MTMR7: variants seen among roughly 807,000 people sequenced by gnomAD.
MTMR7 encodes myotubularin related protein 7, also known as phosphatidylinositol-3-phosphate phosphatase MTMR7.
A neutral mutation model predicts 81.2 loss-of-function variants in MTMR7; 76 were observed. The observed-to-expected ratio is 0.94, with a 90% CI of 0.78 to 1.13. MTMR7 has a LOEUF of 1.13. Among genes scored for constraint, MTMR7 ranks in the 50% most tolerant of loss-of-function variants. MTMR7 has a pLI of 0.00. For synonymous variants in MTMR7, 372 were observed against 289.8 expected, an observed-to-expected ratio of 1.28 and a Z score of -2.88; for missense variants, 1,044 against 820.0, an observed-to-expected ratio of 1.27 and a Z score of -3.34.
chr8:17,363,195 T>C (rs942402685), intron 3 of MTMR7, among the ~76,000 whole-genome samples: 2 of 152,220 alleles, frequency 1.3e-5, no homozygotes, highest in African/African-American at 4.8e-5. Context: ...CTGGGAACAG[T>C]TGGCTCAACA....
At chr8:17,340,281 T>C (rs907195214) in intron 6 of MTMR7, among the ~76,000 whole-genome samples, 1 of 152,210 alleles carries the variant, frequency 6.6e-6, no homozygotes, top group African/African-American at 2.4e-5. Context: ...TTAAACATAA[T>C]TTCTCTATCC....
chr8:17,334,302 G>A lies in MTMR7; in HGVS notation c.733-3020C>T, dbSNP rs182551432. On this transcript the variant is annotated intron_variant, in intron 6 of 13. Coordinates refer to ENST00000180173, the MANE Select transcript of MTMR7 (RefSeq NM_004686.5). ...TTCAATGTTATCTTGGACATTTTAC[G>A]TGTATGTGTGCGCAGTAAGATACGG... Among the ~76,000 whole-genome samples the A allele has an allele frequency of 1.8e-3, 280 of 152,264 alleles. 1 individual carries two copies. Among genetic ancestry groups the A allele is most frequent in the South Asian group, 3.9e-3 (19 of 4,822 alleles).
At chr8:17,310,104 G>A (rs112787389) in intron 9 of MTMR7, among the ~76,000 whole-genome samples, 3 of 151,978 alleles carry the variant, frequency 2.0e-5, no homozygotes, top group Admixed American at 6.6e-5. Flanking sequence ...GAGCTCGAGC[G>A]ATCCTCCCAC....
At position 17,375,288 on chromosome 8, in the gene MTMR7, G is replaced by C. The variant is rs567801196; in HGVS notation, c.25-2048C>G. ...GAGCCAAGCCAGCCCTCTAGGAGTA[G>C]CTCTAGAGGGTCCCATCTCACTTCC... On this transcript the variant is annotated intron_variant, in intron 1 of 13. Transcript: ENST00000180173. 6.6e-5 allele frequency among the ~76,000 whole-genome samples: 10 copies of C among 152,150 alleles called. 2 individuals are homozygous for C. The highest frequency in any genetic ancestry group is 2.4e-4 in the African/African-American group (10 of 41,514).
intron 1 of MTMR7, among the ~76,000 whole-genome samples, chr8:17,390,773 G>C (rs200385074): frequency 2.6e-5 from 4 of 152,172 alleles, no homozygotes; most frequent in Non-Finnish European, 4.4e-5. Flanking sequence ...CAGAATGAAA[G>C]GGGAAGAGCC....
At chr8:17,403,465 T>C (rs1218667078) in intron 1 of MTMR7, among the ~76,000 whole-genome samples, 1 of 152,186 alleles carries the variant, frequency 6.6e-6, no homozygotes, top group African/African-American at 2.4e-5. Context: ...TACCATACTG[T>C]TTTGGTTACG....
chr8:17,361,447 C>G (rs1208793986), intron 3 of MTMR7, among the ~76,000 whole-genome samples, 173 bp from the exon 4 acceptor site: 1 of 152,186 alleles, frequency 6.6e-6, no homozygotes, highest in African/African-American at 2.4e-5. Context: ...CACTTCCTCC[C>G]ACCAATGACA....
intron 8 of MTMR7, among the ~76,000 whole-genome samples, chr8:17,312,979 A>T (rs977326497): frequency 2.6e-5 from 4 of 152,182 alleles, no homozygotes; most frequent in African/African-American, 9.7e-5. Context: ...CCCAAGCCCC[A>T]TCACTGAAGT....
At chr8:17,304,637 C>T in intron 11 of MTMR7, 118 bp from the exon 12 acceptor site, 4 of 1,001,050 alleles carry the variant, frequency 4.0e-6, no homozygotes, top group East Asian at 2.6e-5. Context: ...CGTGTCTGTT[C>T]GATAGCAGGT....
At position 17,297,527 on chromosome 8, in the gene MTMR7, A is replaced by C. The variant is rs1816772766; in HGVS notation, c.*2335T>G. 1 of 150,166 alleles carries C rather than the reference A, an allele frequency of 6.7e-6. No homozygotes were observed. The highest frequency in any genetic ancestry group is 6.7e-5 in the Admixed American group (1 of 15,030). The allele number at this position is 150,166 out of a possible 1,614,324, so 9.3% of individuals were successfully genotyped here. ...CATTCTATAAAAAGCTCAGTTACTG[A>C]TTTGCTGGGTCATGGTCAAAATTCT... is the stretch of plus-strand genomic sequence containing the variant. On this transcript the variant is annotated 3_prime_UTR_variant, in exon 14 of 14. Coordinates refer to ENST00000180173, the MANE Select transcript of MTMR7 (RefSeq NM_004686.5).
At chr8:17,352,849 G>A (rs892029530) in intron 4 of MTMR7, among the ~76,000 whole-genome samples, 9 of 152,090 alleles carry the variant, frequency 5.9e-5, no homozygotes, top group African/African-American at 2.2e-4. Flanking sequence ...CTGTGGATGG[G>A]GATATAAAAT....
intron 3 of MTMR7, among the ~76,000 whole-genome samples, chr8:17,368,229 T>A (rs950926625): frequency 6.6e-6 from 1 of 152,002 alleles, no homozygotes; most frequent in African/African-American, 2.4e-5. Flanking sequence ...TCACAGGAGG[T>A]AGAGCTCACG....
intron 5 of MTMR7, among the ~76,000 whole-genome samples, chr8:17,348,182 C>A (rs1440860077): frequency 6.6e-6 from 1 of 152,104 alleles, no homozygotes; most frequent in Non-Finnish European, 1.5e-5. Flanking sequence ...AAATAAAACC[C>A]ATGCTCTCTA....
chr8:17,407,515 A>G (rs1821622946), intron 1 of MTMR7, among the ~76,000 whole-genome samples: 1 of 152,166 alleles, frequency 6.6e-6, no homozygotes, highest in Non-Finnish European at 1.5e-5. Flanking sequence ...TCACATGCAG[A>G]TAATAATGAG....
At chr8:17,322,541 T>A (rs1349889537) in intron 7 of MTMR7, among the ~76,000 whole-genome samples, 2 of 152,194 alleles carry the variant, frequency 1.3e-5, no homozygotes, top group Non-Finnish European at 2.9e-5. Context: ...AACATGTGGC[T>A]GGGCACATTG....
chr8:17,315,504 C>G lies in MTMR7; in HGVS notation c.866-2103G>C, dbSNP rs575692471. 1.6e-4 allele frequency among the ~76,000 whole-genome samples: 24 copies of G among 152,280 alleles called. 1 individual carries two copies. In the South Asian group the frequency reaches 3.9e-3, roughly 25 times the overall value. On this transcript the variant is annotated intron_variant, in intron 7 of 13. Coordinates refer to ENST00000180173, the MANE Select transcript of MTMR7 (RefSeq NM_004686.5). The stretch of plus-strand genomic sequence containing the variant: ...GATGTGCCAATGTAGGTGCACTGAT[C>G]ACAACAATGTACCACTCCGTCGGGG...
intron 5 of MTMR7, among the ~76,000 whole-genome samples, chr8:17,344,871 T>A (rs1257706733): frequency 6.6e-6 from 1 of 152,138 alleles, no homozygotes; most frequent in Admixed American, 6.5e-5. Context: ...CTAAGGAAAG[T>A]TGCCTCACTG....
At chr8:17,362,015 C>T (rs1820076619) in intron 3 of MTMR7, among the ~76,000 whole-genome samples, 1 of 152,176 alleles carries the variant, frequency 6.6e-6, no homozygotes, top group African/African-American at 2.4e-5. Context: ...GTTTCCCTCT[C>T]TCCACTAAAA....
At chr8:17,318,864 C>A (rs912210774) in intron 7 of MTMR7, among the ~76,000 whole-genome samples, 16 of 152,206 alleles carry the variant, frequency 1.1e-4, no homozygotes, top group African/African-American at 3.6e-4. Context: ...AGGCCTTCAC[C>A]AGTGACTTGT....
Sources: allele counts gnomAD v4.1 joint callset (sites outside exome capture counted in the v4.1 genomes callset), GRCh38; gene constraint gnomAD v4.1.1; transcripts MANE v1.5; gene names NCBI Gene and HGNC (gene_info 2026-07-23, HGNC 2026-07-21).